PTPRT: variants seen among roughly 807,000 people sequenced by gnomAD.
PTPRT encodes receptor-type tyrosine-protein phosphatase T.
PTPRT carries 56 observed loss-of-function variants against 176.8 expected under a neutral mutation model. The observed-to-expected ratio is 0.32, with a 90% CI of 0.26 to 0.40. The LOEUF (loss-of-function observed/expected upper bound fraction) is 0.40, where lower values mean the gene tolerates loss of function less well. Ranked by LOEUF, PTPRT falls within the 10% of genes least tolerant of loss-of-function variation. The pLI, the probability that PTPRT is intolerant of heterozygous loss-of-function variation, is 1.00. For synonymous variants in PTPRT, 783 were observed against 739.0 expected, an observed-to-expected ratio of 1.06 and a Z score of -0.96; for missense variants, 1,540 against 1,908.2, an observed-to-expected ratio of 0.81 and a Z score of 3.60.
intron 7 of PTPRT, among the ~76,000 whole-genome samples, chr20:42,486,403 G>A (rs1304336775): frequency 6.6e-6 from 1 of 152,066 alleles, no homozygotes; most frequent in African/African-American, 2.4e-5. Context: ...TCTGCAAATA[G>A]TCTTGCTCAG....
At chr20:42,284,619 T>A (rs2057198084) in intron 12 of PTPRT, among the ~76,000 whole-genome samples, 2 of 152,188 alleles carry the variant, frequency 1.3e-5, no homozygotes, top group South Asian at 4.1e-4. Flanking sequence ...TATCCTAAAC[T>A]GCTTATGAAT....
intron 7 of PTPRT, among the ~76,000 whole-genome samples, chr20:42,483,008 A>C (rs1004452057): frequency 2.0e-5 from 3 of 152,220 alleles, no homozygotes; most frequent in African/African-American, 7.2e-5. Context: ...TAATATGATG[A>C]TAATGCAAAT....
chr20:42,330,863 T>G (rs181990354), intron 11 of PTPRT, among the ~76,000 whole-genome samples: 2 of 152,292 alleles, frequency 1.3e-5, no homozygotes, highest in African/African-American at 4.8e-5. Context: ...CTTCATCACC[T>G]AAAAAGAAAT....
intron 7 of PTPRT, among the ~76,000 whole-genome samples, chr20:42,652,742 C>T (rs948857704): frequency 6.6e-6 from 1 of 152,148 alleles, no homozygotes. Context: ...GTCACCTCCC[C>T]CATCTTTGTG....
chr20:42,982,931 C>T (rs1299671230), intron 1 of PTPRT, among the ~76,000 whole-genome samples: 1 of 152,246 alleles, frequency 6.6e-6, no homozygotes, highest in Non-Finnish European at 1.5e-5. Flanking sequence ...ATCACTACCT[C>T]CCACATACCT....
At chr20:42,655,089 A>G (rs2075101620) in intron 7 of PTPRT, among the ~76,000 whole-genome samples, 1 of 152,216 alleles carries the variant, frequency 6.6e-6, no homozygotes, top group African/African-American at 2.4e-5. Context: ...GGTCCATTTC[A>G]ATGGACCAAA....
intron 6 of PTPRT, among the ~76,000 whole-genome samples, chr20:42,731,169 A>G (rs1481497840): frequency 6.6e-6 from 1 of 152,210 alleles, no homozygotes; most frequent in Non-Finnish European, 1.5e-5. Context: ...CCCTTGTGCA[A>G]CCAGATTCCT....
At chr20:43,146,401 T>C (rs1048041030) in intron 1 of PTPRT, among the ~76,000 whole-genome samples, 25 of 152,254 alleles carry the variant, frequency 1.6e-4, no homozygotes, top group Admixed American at 1.5e-3. Flanking sequence ...AAAATAGATG[T>C]TCAAGGAGGC....
chr20:42,982,806 C>T (rs1404691457), intron 1 of PTPRT, among the ~76,000 whole-genome samples: 2 of 152,218 alleles, frequency 1.3e-5, no homozygotes, highest in African/African-American at 4.8e-5. Flanking sequence ...CATTGCTGCT[C>T]TTATGACACG....
chr20:42,425,716 C>T lies in PTPRT; in HGVS notation c.1560+22504G>A, dbSNP rs576412972. Among the ~76,000 whole-genome samples, 3 of 152,270 alleles carry T rather than the reference C, an allele frequency of 2.0e-5. No homozygotes were observed. The South Asian group carries it at 6.2e-4, about 32-fold the overall frequency. On this transcript the variant is annotated intron_variant, in intron 9 of 30. Coordinates refer to ENST00000373187, the MANE Select transcript of PTPRT (RefSeq NM_007050.6). Reference sequence around the variant, plus strand: ...CTTCACAACGTATACATATGTTGCACACCCTAAACAGATACAATTTTTATT... The same window carrying T: ...CTTCACAACGTATACATATGTTGCATACCCTAAACAGATACAATTTTTATT...
chr20:43,123,912 G>T (rs1392524568), intron 1 of PTPRT, among the ~76,000 whole-genome samples: 1 of 152,154 alleles, frequency 6.6e-6, no homozygotes. Flanking sequence ...GATTCGAAAG[G>T]CTTTTGTGAG....
At chr20:42,041,610 A>C in the PTPRT span, among the ~76,000 whole-genome samples, 1 of 152,242 alleles carries the variant, frequency 6.6e-6, no homozygotes, top group African/African-American at 2.4e-5. Context: ...CTTTGAAGGC[A>C]TGCTGCCTAA....
intron 1 of PTPRT, among the ~76,000 whole-genome samples, chr20:43,137,242 G>C (rs1160082924): frequency 1.3e-5 from 2 of 152,198 alleles, no homozygotes; most frequent in African/African-American, 4.8e-5. Context: ...GACAATGACA[G>C]AGGTCTCCTG....
At chr20:42,853,871 G>C (rs2078517790) in intron 2 of PTPRT, among the ~76,000 whole-genome samples, 1 of 152,160 alleles carries the variant, frequency 6.6e-6, no homozygotes. Flanking sequence ...TTGAGAGATG[G>C]GCTCCTAAAA....
intron 7 of PTPRT, among the ~76,000 whole-genome samples, chr20:42,552,972 A>AGC (rs1445185982): frequency 6.6e-6 from 1 of 152,148 alleles, no homozygotes; most frequent in Non-Finnish European, 1.5e-5. Flanking sequence ...CGCCTTGAGT[A>AGC]GCGGTACAGT....
intron 7 of PTPRT, among the ~76,000 whole-genome samples, chr20:42,531,459 C>T (rs906618780): frequency 8.5e-5 from 13 of 152,214 alleles, no homozygotes; most frequent in African/African-American, 3.1e-4. Context: ...ATATGCCCGA[C>T]TCACTGGTGC....
intron 15 of PTPRT, among the ~76,000 whole-genome samples, chr20:42,205,308 GCCTCCTTCCCAAAGTTAGAAGTTC>G (rs1406218943): frequency 6.6e-6 from 1 of 152,108 alleles, no homozygotes. Flanking sequence ...AGAAGTCTTT[GCCTCCTTCCCAAAGTTAGAAGTTC>G]CCTCCTCTTT....
At chr20:42,162,797 T>C (rs1432460495) in intron 16 of PTPRT, among the ~76,000 whole-genome samples, 1 of 152,226 alleles carries the variant, frequency 6.6e-6, no homozygotes, top group East Asian at 1.9e-4. Flanking sequence ...CATGTGCCCT[T>C]CAGCTTATTT....
chr20:42,550,001 G>A lies in PTPRT; in HGVS notation c.1154-77439C>T, dbSNP rs73618853. Among the ~76,000 whole-genome samples, 657 of 152,262 alleles carry A rather than the reference G, an allele frequency of 4.3e-3. 21 individuals carry two copies. In the East Asian group the frequency reaches 0.094, roughly 22 times the overall value. ...TTGAAAATGGGCATGAACTGTGAAT[G>A]GCTCGAGATTTTGTAATTTTTAGGA... On this transcript the variant is annotated intron_variant, in intron 7 of 30. Coordinates refer to ENST00000373187, the MANE Select transcript of PTPRT (RefSeq NM_007050.6).
Sources: gnomAD v4.1 joint callset for allele counts (sites outside exome capture counted in the v4.1 genomes callset) on GRCh38, gnomAD v4.1.1 for gene constraint, MANE v1.5 for transcripts, NCBI Gene and HGNC (gene_info 2026-07-23, HGNC 2026-07-21) for gene names.